The following SDK1 variants were observed in gnomAD, a reference collection of about 807,000 sequenced individuals.
SDK1 encodes the protein protein sidekick-1.
SDK1 carries 157 observed loss-of-function variants against 245.5 expected under a neutral mutation model. The ratio of observed to expected loss-of-function variants is 0.64; its 90% confidence interval spans 0.56 to 0.73. SDK1 has a LOEUF of 0.73. SDK1 is among the 30% of genes least tolerant of loss of function. The probability of loss-of-function intolerance (pLI) is 0.00; values close to 1 mark genes in which losing one functional copy is unlikely to be tolerated. For missense variants in SDK1, 3,583 were observed against 3,002.3 expected (o/e 1.19, Z -4.52); for synonymous variants, 1,647 against 1,278.5 (o/e 1.29, Z -6.15).
intron 1 of SDK1, among the ~76,000 whole-genome samples, chr7:3,305,438 C>A (rs974884080): frequency 2.0e-5 from 3 of 152,156 alleles, no homozygotes; most frequent in Admixed American, 2.0e-4. Context: ...TTTCTCAGGC[C>A]AATTCCCAGC....
intron 28 of SDK1, among the ~76,000 whole-genome samples, chr7:4,135,035 G>A (rs1002582192): frequency 3.3e-5 from 5 of 152,234 alleles, no homozygotes; most frequent in African/African-American, 9.6e-5. Context: ...CTCCCTGCAC[G>A]TGTCTACCTG....
chr7:4,097,787 C>G (rs552177214), intron 22 of SDK1, among the ~76,000 whole-genome samples: 1 of 152,266 alleles, frequency 6.6e-6, no homozygotes, highest in East Asian at 1.9e-4. Context: ...GCATTTCGGT[C>G]ATAATAAACC....
At chr7:3,597,307 C>A (rs930897264) in intron 1 of SDK1, among the ~76,000 whole-genome samples, 10 of 149,518 alleles carry the variant, frequency 6.7e-5, no homozygotes, top group African/African-American at 2.2e-4. Context: ...ATGTTACAGT[C>A]TGTTTATGTT....
At chr7:3,771,960 C>G (rs956179708) in intron 4 of SDK1, among the ~76,000 whole-genome samples, 3 of 152,168 alleles carry the variant, frequency 2.0e-5, no homozygotes, top group Admixed American at 6.5e-5. Flanking sequence ...TACTTTTTGT[C>G]TTATGAGTTT....
intron 5 of SDK1, among the ~76,000 whole-genome samples, chr7:3,933,123 C>A (rs201735914): frequency 3.6e-5 from 3 of 83,276 alleles, no homozygotes; most frequent in Non-Finnish European, 4.2e-5. Flanking sequence ...GCTCCTGGAT[C>A]TTTTTTTTTT....
chr7:3,479,412 A>G (rs1002171329), intron 1 of SDK1, among the ~76,000 whole-genome samples: 3 of 104,874 alleles, frequency 2.9e-5, no homozygotes, highest in African/African-American at 1.2e-4. Flanking sequence ...ACAGGGTGAG[A>G]CTGTGTCTCA....
intron 4 of SDK1, among the ~76,000 whole-genome samples, chr7:3,762,118 A>G (rs913395739): frequency 2.0e-5 from 3 of 152,232 alleles, no homozygotes; most frequent in Non-Finnish European, 4.4e-5. Context: ...GAATGAGCAC[A>G]TAACAGCGGT....
intron 1 of SDK1, among the ~76,000 whole-genome samples, chr7:3,583,307 C>G (rs1000911311): frequency 1.3e-5 from 2 of 152,230 alleles, no homozygotes; most frequent in Non-Finnish European, 2.9e-5. Flanking sequence ...AACAAATTTT[C>G]AGTGCATTAT....
At chr7:3,914,155 A>G (rs1779285992) in intron 5 of SDK1, among the ~76,000 whole-genome samples, 1 of 152,234 alleles carries the variant, frequency 6.6e-6, no homozygotes, top group Non-Finnish European at 1.5e-5. Context: ...GGTTGAAAGC[A>G]TTTGCATTAT....
rs1380207614 is a variant in SDK1, at chr7:3,943,110, T to C, written c.848-7813T>C. 2.6e-5 allele frequency among the ~76,000 whole-genome samples: 4 copies of C among 152,322 alleles called. No individual in the cohort carries two copies. In the East Asian group the frequency reaches 7.7e-4, roughly 29 times the overall value. On this transcript the variant is annotated intron_variant, in intron 5 of 44. Transcript: ENST00000404826. Reference sequence around the variant, plus strand: ...ATCCAGACACGGAAGACAGTGGTTTTAATAGAGTAAACCAAAATGTAGGAT... The same window carrying C: ...ATCCAGACACGGAAGACAGTGGTTTCAATAGAGTAAACCAAAATGTAGGAT...
intron 4 of SDK1, among the ~76,000 whole-genome samples, chr7:3,706,092 C>A (rs1271639136): frequency 6.6e-6 from 1 of 152,112 alleles, no homozygotes; most frequent in South Asian, 2.1e-4. Context: ...TATGTTAAAC[C>A]TCCCTGCATT....
At position 3,996,031 on chromosome 7, in the gene SDK1, A is replaced by G. The variant is rs529833300; in HGVS notation, c.2131+8709A>G. Among the ~76,000 whole-genome samples, 19 of 152,172 alleles carry G rather than the reference A, an allele frequency of 1.2e-4. No individual in the cohort carries two copies. The South Asian group carries it at 3.3e-3, about 27-fold the overall frequency. The stretch of plus-strand genomic sequence containing the variant: ...ATTCTTATAGGTTTTTGCCTTGTTT[A>G]TAAAGGTTTAATTTTTAATATATTT... On this transcript the variant is annotated intron_variant, in intron 14 of 44. Coordinates refer to ENST00000404826, the MANE Select transcript of SDK1 (RefSeq NM_152744.4).
intron 30 of SDK1, among the ~76,000 whole-genome samples, chr7:4,157,391 GGGGA>G (rs1383814329): frequency 1.2e-5 from 1 of 82,672 alleles, no homozygotes; most frequent in Non-Finnish European, 2.4e-5. Flanking sequence ...GAAGGAATGA[GGGGA>G]GGGAGGGAGG....
chr7:3,400,416 C>G (rs1332972276), intron 1 of SDK1, among the ~76,000 whole-genome samples: 1 of 152,090 alleles, frequency 6.6e-6, no homozygotes, highest in African/African-American at 2.4e-5. Flanking sequence ...TCTGAGAGTG[C>G]CCCCAACTTC....
chr7:3,983,642 G>T (rs562540943), intron 13 of SDK1, among the ~76,000 whole-genome samples: 4 of 152,296 alleles, frequency 2.6e-5, no homozygotes, highest in Non-Finnish European at 4.4e-5. Flanking sequence ...TGGTGGTCGG[G>T]AACTGAACGT....
At chr7:4,095,271 ATATCTGAGGTCTTCCTCAGCTCCCCC>A (rs1782075041) in intron 22 of SDK1, among the ~76,000 whole-genome samples, 10 of 125,104 alleles carry the variant, frequency 8.0e-5, no homozygotes, top group Non-Finnish European at 1.3e-4. Context: ...CAGCTCCCCC[ATATCTGAGGTCTTCCTCAGCTCCCCC>A]ACATCTGAGC....
At chr7:3,640,889 G>T (rs950885826) in intron 3 of SDK1, among the ~76,000 whole-genome samples, 4 of 151,888 alleles carry the variant, frequency 2.6e-5, no homozygotes, top group Admixed American at 2.6e-4. Flanking sequence ...TCACCATGTT[G>T]GCCAGGCTGG....
Position 4,210,602 on chromosome 7 carries a change from A to G in SDK1, c.5539+440A>G, listed in dbSNP as rs541992732. 3.9e-5 allele frequency among the ~76,000 whole-genome samples: 6 copies of G among 152,140 alleles called. No individual in the cohort carries two copies. In the South Asian group the frequency reaches 1.3e-3, roughly 32 times the overall value. On this transcript the variant is annotated intron_variant, in intron 38 of 44. Coordinates refer to ENST00000404826, the MANE Select transcript of SDK1 (RefSeq NM_152744.4). ...TCAGCATCCTAGGAGGGATGCTGGCATCCCCGTGTCTTAGCACCCTGGTGC... is the reference window on the plus strand; with the variant it reads ...TCAGCATCCTAGGAGGGATGCTGGCGTCCCCGTGTCTTAGCACCCTGGTGC...
chr7:4,002,968 C>T (rs1441416401), intron 14 of SDK1, among the ~76,000 whole-genome samples: 1 of 152,248 alleles, frequency 6.6e-6, no homozygotes, highest in Non-Finnish European at 1.5e-5. Flanking sequence ...GTGCTGTTTG[C>T]AGCTCATGGA....
Sources: allele counts gnomAD v4.1 joint callset (sites outside exome capture counted in the v4.1 genomes callset), GRCh38; gene constraint gnomAD v4.1.1; transcripts MANE v1.5; gene names NCBI Gene and HGNC (gene_info 2026-07-23, HGNC 2026-07-21).